KALRN: variants seen among roughly 807,000 people sequenced by gnomAD.
The protein encoded by KALRN is kalirin.
A neutral mutation model predicts 353.7 loss-of-function variants in KALRN; 70 were observed. The observed-to-expected ratio is 0.20, with a 90% CI of 0.16 to 0.24. KALRN has a LOEUF of 0.24. KALRN is among the 10% of genes least tolerant of loss of function. The pLI is 1.00. For synonymous variants in KALRN, 1,391 were observed against 1,434.8 expected, an observed-to-expected ratio of 0.97 and a Z score of 0.69; for missense variants, 2,791 against 3,756.7, an observed-to-expected ratio of 0.74 and a Z score of 6.72.
At chr3:124,254,511 C>G (rs999017837) in intron 3 of KALRN, among the ~76,000 whole-genome samples, 1 of 151,456 alleles carries the variant, frequency 6.6e-6, no homozygotes, top group African/African-American at 2.4e-5. Flanking sequence ...CTGATTTTAC[C>G]CTTTCCTTGT....
intron 1 of KALRN, among the ~76,000 whole-genome samples, chr3:124,216,913 A>C (rs1250336407): frequency 6.6e-6 from 1 of 152,138 alleles, no homozygotes; most frequent in Admixed American, 6.5e-5. Context: ...ATTGTGTCTT[A>C]GTTAGTCTCC....
intron 18 of KALRN, among the ~76,000 whole-genome samples, chr3:124,439,623 C>G (rs1249383857): frequency 1.3e-5 from 2 of 151,956 alleles, no homozygotes; most frequent in Non-Finnish European, 2.9e-5. Context: ...AATTTGGATG[C>G]CCTATTTATT....
At chr3:124,078,779 ATACTTCCTTAG>A (rs2060388880) in intron 1 of KALRN, among the ~76,000 whole-genome samples, 1 of 152,212 alleles carries the variant, frequency 6.6e-6, no homozygotes. Flanking sequence ...ACTTACAGAA[ATACTTCCTTAG>A]TACTAGGTTT....
At chr3:124,385,182 C>T (rs1211387199) in intron 11 of KALRN, 146 bp downstream of exon 11, 3 of 608,092 alleles carry the variant, frequency 4.9e-6, no homozygotes, top group Non-Finnish European at 8.1e-6. Context: ...ACAATTCATT[C>T]CTGATAGCCT....
At chr3:124,312,340 T>C (rs2078356512) in intron 6 of KALRN, among the ~76,000 whole-genome samples, 1 of 152,140 alleles carries the variant, frequency 6.6e-6, no homozygotes, top group Admixed American at 6.5e-5. Flanking sequence ...TTTGTATTTT[T>C]AGTAGAGATG....
At chr3:124,358,825 G>A (rs955364884) in intron 10 of KALRN, among the ~76,000 whole-genome samples, 1 of 152,172 alleles carries the variant, frequency 6.6e-6, no homozygotes, top group Non-Finnish European at 1.5e-5. Flanking sequence ...TAGACCTAGT[G>A]AATGGTGGAG....
chr3:124,658,900 C>A (rs1051678567), intron 42 of KALRN, among the ~76,000 whole-genome samples: 1 of 152,202 alleles, frequency 6.6e-6, no homozygotes, highest in Non-Finnish European at 1.5e-5. Flanking sequence ...GCAGCCACTT[C>A]CTAGTCTGCT....
chr3:124,270,831 T>G (rs28536487), intron 5 of KALRN, among the ~76,000 whole-genome samples: 1 of 147,144 alleles, frequency 6.8e-6, no homozygotes, highest in African/African-American at 2.5e-5. Flanking sequence ...TTTGTTTTTT[T>G]TTTTTTTTTT....
intron 28 of KALRN, among the ~76,000 whole-genome samples, chr3:124,485,983 A>G (rs1255426583): frequency 6.6e-6 from 1 of 152,240 alleles, no homozygotes; most frequent in Non-Finnish European, 1.5e-5. Context: ...TATAAATAAT[A>G]TGGGATTTAT....
intron 34 of KALRN, among the ~76,000 whole-genome samples, chr3:124,597,041 CTG>C (rs1454983634): frequency 6.6e-6 from 1 of 150,494 alleles, no homozygotes; most frequent in Non-Finnish European, 1.5e-5. Context: ...GAGCAAGACT[CTG>C]TCTTAAAAAA....
chr3:124,578,799 T>C (rs1218648617), intron 34 of KALRN, among the ~76,000 whole-genome samples: 2 of 149,696 alleles, frequency 1.3e-5, no homozygotes, highest in Admixed American at 6.7e-5. Flanking sequence ...AATCCAAATA[T>C]GGGGGTGAGT....
chr3:124,142,728 T>C (rs2066786222), intron 1 of KALRN, among the ~76,000 whole-genome samples: 1 of 152,032 alleles, frequency 6.6e-6, no homozygotes, highest in Admixed American at 6.6e-5. Flanking sequence ...TCTGTACTCC[T>C]CCAGCCTCCC....
chr3:124,098,024 T>A (rs902797175), intron 1 of KALRN, among the ~76,000 whole-genome samples: 3 of 152,204 alleles, frequency 2.0e-5, no homozygotes, highest in African/African-American at 7.2e-5. Context: ...GAAGTCACAT[T>A]GCTTTTTGTT....
At position 124,491,370 on chromosome 3, in the gene KALRN, A is replaced by G. The variant is rs1462593750; in HGVS notation, c.4635A>G (p.Lys1545=). ...AGCACGTGGAGGGCGATCCCTGCAA[A>G]TTCGCCTTGTGGTCTGGGCGCACCC... ...VTEHVEGDPC[K]FALWSGRTPS... The change falls in exon 31 of 60, where the codon AAA becomes AAG. Residue 1545 remains lysine (K), a synonymous_variant. Transcript: ENST00000682506. 3 of 1,610,682 alleles carry G rather than the reference A, an allele frequency of 1.9e-6. No individual in the cohort carries two copies. The highest frequency in any genetic ancestry group is 1.7e-6 in the Non-Finnish European group (2 of 1,178,260).
At chr3:124,478,336 C>T (rs2061623855) in intron 27 of KALRN, among the ~76,000 whole-genome samples, 1 of 152,152 alleles carries the variant, frequency 6.6e-6, no homozygotes, top group Admixed American at 6.5e-5. Flanking sequence ...AGATAGTGGG[C>T]TAGGCCCCGT....
At position 124,430,744 on chromosome 3, in the gene KALRN, G is replaced by A. The variant is rs201657548; in HGVS notation, c.2798G>A (p.Arg933Gln). 72 of 1,613,950 alleles carry A rather than the reference G, an allele frequency of 4.5e-5. No homozygotes were observed. The highest frequency in any genetic ancestry group is 1.3e-4 in the South Asian group (12 of 91,070). ...TTGTCGGAAGCAGAGCAGCTGCAGC[G>A]GGAGCACGAGCAGTTCCAACTGGCC... ...SSLSEAEQLQ[R>Q]EHEQFQLAIE... The change falls in exon 16 of 60, where the codon CGG becomes CAG. Residue 933 changes from arginine to glutamine, a missense_variant. Coordinates refer to ENST00000682506, the MANE Select transcript of KALRN (RefSeq NM_001388419.1).
chr3:124,216,803 T>A (rs1157103276), intron 1 of KALRN, among the ~76,000 whole-genome samples: 1 of 152,246 alleles, frequency 6.6e-6, no homozygotes, highest in Non-Finnish European at 1.5e-5. Flanking sequence ...TGGGCCCTGG[T>A]TATGCTAGGT....
intron 45 of KALRN, among the ~76,000 whole-genome samples, chr3:124,662,790 T>C (rs1329921114): frequency 1.3e-5 from 2 of 152,212 alleles, no homozygotes; most frequent in Non-Finnish European, 2.9e-5. Context: ...CTCACATTTC[T>C]AGAGGCTAGA....
At chr3:124,491,886 C>T (rs2063202482) in intron 31 of KALRN, among the ~76,000 whole-genome samples, 1 of 152,138 alleles carries the variant, frequency 6.6e-6, no homozygotes, top group African/African-American at 2.4e-5. Context: ...TCCCTGGGAA[C>T]CTACATTCTT....
Sources: gnomAD v4.1 joint callset for allele counts (sites outside exome capture counted in the v4.1 genomes callset) on GRCh38, gnomAD v4.1.1 for gene constraint, MANE v1.5 for transcripts, NCBI Gene and HGNC (gene_info 2026-07-23, HGNC 2026-07-21) for gene names.